The following FAT2 variants were observed in gnomAD, a reference collection of about 807,000 sequenced individuals.
FAT2 encodes the protein protocadherin Fat 2.
A neutral mutation model predicts 295.3 loss-of-function variants in FAT2; 150 were observed. That is an observed-to-expected ratio of 0.51 (90% CI 0.44 to 0.58). The LOEUF is 0.58. FAT2 is among the 20% of genes least tolerant of loss of function. The probability of loss-of-function intolerance (pLI) is 0.00; values close to 1 mark genes in which losing one functional copy is unlikely to be tolerated. For missense variants in FAT2, 4,868 were observed against 5,442.7 expected, an observed-to-expected ratio of 0.89 and a Z score of 3.32; for synonymous variants, 2,026 against 2,150.3, an observed-to-expected ratio of 0.94 and a Z score of 1.60.
intron 2 of FAT2, 88 bp downstream of exon 2, chr5:151,565,585 T>C (rs1021575353): frequency 6.6e-6 from 9 of 1,363,602 alleles, no homozygotes; most frequent in East Asian, 2.4e-5. Context: ...GGCTGACTCC[T>C]TTTTCCTTCA....
chr5:151,545,905 T>C lies in FAT2; in HGVS notation c.5222A>G (p.Asp1741Gly), dbSNP rs770846001. The C allele has an allele frequency of 6.8e-6, 11 of 1,614,042 alleles. No homozygotes were observed. Among genetic ancestry groups the C allele is most frequent in the Non-Finnish European group, 7.6e-6 (9 of 1,180,040 alleles). ...RGSNMAGAFT[D>G]VMVVVDIIDE... Reference sequence around the variant, plus strand: ...AATTATGTCAACCACCACCATGACATCAGTAAATGCACCTGCCATATTGCT... The same window carrying C: ...AATTATGTCAACCACCACCATGACACCAGTAAATGCACCTGCCATATTGCT... Residue 1741 changes from aspartate (D) to glycine (G), a missense_variant, in exon 10 of 24, where the codon GAT becomes GGT. Physicochemically the swap from Asp to Gly is moderately conservative, Grantham distance 94 (BLOSUM62 -1). This residue lies in a region of FAT2 where 3,297 missense variants were observed against 3,669.4 expected (regional missense o/e 0.90). Transcript: ENST00000261800.
In FAT2 at chr5:151,512,661, G is replaced by T; in HGVS notation, c.11464-55C>A. ...AAAGCCAAGGAGTCCTTGTAAACCT[G>T]CTAAGAGGCTGCCAGTTCAAAGAAT... On this transcript the variant is annotated intron_variant, in intron 20 of 23. Coordinates refer to ENST00000261800, the MANE Select transcript of FAT2 (RefSeq NM_001447.3). This position sits in a 1 kb window ranked among gnomAD's most constrained non-coding sequence, Gnocchi z 4.1. The T allele has an allele frequency of 6.9e-7, 1 of 1,442,112 alleles. No homozygotes were observed. Among genetic ancestry groups the T allele is most frequent in the Non-Finnish European group, 9.4e-7 (1 of 1,065,852 alleles). 89.3% of individuals were successfully genotyped at this position (1,442,112 alleles called of 1,614,324 possible).
In FAT2 at chr5:151,546,081, G is replaced by T; in HGVS notation, c.5046C>A (p.Val1682=). 1 of 1,614,180 alleles carries T rather than the reference G, an allele frequency of 6.2e-7. No homozygotes were observed. The highest frequency in any genetic ancestry group is 8.5e-7 in the Non-Finnish European group (1 of 1,180,030). ...TAACTTCAGAGGGGCTCATAGCAGAGACAAGGAGGATTGGGGAACCAACAG... is the reference window on the plus strand; with the variant it reads ...TAACTTCAGAGGGGCTCATAGCAGATACAAGGAGGATTGGGGAACCAACAG... ...SIPVGSPILL[V]SAMSPSEVTY... The change falls in exon 10 of 24, where the codon GTC becomes GTA. Residue 1682 remains valine (V), a synonymous_variant. Coordinates refer to ENST00000261800, the MANE Select transcript of FAT2 (RefSeq NM_001447.3).
Position 151,580,625 on chromosome 5 carries a change from C to T in FAT2, c.-21+10540G>A, listed in dbSNP as rs888334777. Among the ~76,000 whole-genome samples, 6 of 152,166 alleles carry T rather than the reference C, an allele frequency of 3.9e-5. No individual in the cohort carries two copies. In the East Asian group the frequency reaches 5.8e-4, roughly 15 times the overall value. ...CACACACACACACGGGTCTTTGTGA[C>T]GTTCCTTCTCTCTTTGCAGTGATTT... On this transcript the variant is annotated intron_variant, in intron 1 of 23. Coordinates refer to ENST00000261800, the MANE Select transcript of FAT2 (RefSeq NM_001447.3).
At chr5:151,562,523 T>A (rs537877929) in intron 3 of FAT2, among the ~76,000 whole-genome samples, 1 of 152,244 alleles carries the variant, frequency 6.6e-6, no homozygotes, top group African/African-American at 2.4e-5. Flanking sequence ...TGGCAGGACC[T>A]GCAGGGATCA....
In FAT2 at chr5:151,545,352, T is replaced by C; in HGVS notation, c.5775A>G (p.Ile1925Met). ...CCAGGAAAGCAGGATTCAGCACAGA[T>C]ATGCTACCAGTGACAGGATGGATGG... ...AVTIHPVTGSISVLNPAFLGL... is the reference protein window; with the variant it reads ...AVTIHPVTGSMSVLNPAFLGL... Residue 1925 changes from isoleucine to methionine, a missense_variant, in exon 10 of 24, where the codon ATA becomes ATG. This residue lies in a region of FAT2 where 3,297 missense variants were observed against 3,669.4 expected (regional missense o/e 0.90). Transcript: ENST00000261800. The C allele has an allele frequency of 5.0e-6, 8 of 1,614,146 alleles. No individual in the cohort carries two copies. The highest frequency in any genetic ancestry group is 6.8e-6 in the Non-Finnish European group (8 of 1,180,008).
At position 151,544,975 on chromosome 5, in the gene FAT2, ACC is replaced by A. The variant is rs1289120192; in HGVS notation, c.6150_6151del (p.Val2051GlyfsTer10). 1.7e-5 allele frequency: 28 copies of A among 1,613,986 alleles called. No individual in the cohort carries two copies. Among genetic ancestry groups the A allele is most frequent in the Non-Finnish European group, 2.3e-5 (27 of 1,180,030 alleles). On this transcript the variant is annotated frameshift_variant, in exon 10 of 24. Coordinates refer to ENST00000261800, the MANE Select transcript of FAT2 (RefSeq NM_001447.3). LOFTEE classifies it high-confidence loss of function. ...AGAGACTCTGACCAAACCCTGAGCC[ACC>A]CGCTGAGGTGTCCGATTGTCCCTCA...
chr5:151,546,926 A>T (rs1220299326), intron 9 of FAT2, among the ~76,000 whole-genome samples: 3 of 152,082 alleles, frequency 2.0e-5, no homozygotes, highest in Non-Finnish European at 4.4e-5. Context: ...GAACACCCAT[A>T]TCTCAAGGCT....
Position 151,557,077 on chromosome 5 carries a change from C to T in FAT2, c.3575-675G>A, listed in dbSNP as rs57299647. Among the ~76,000 whole-genome samples, 169 of 152,242 alleles carry T rather than the reference C, an allele frequency of 1.1e-3. 1 individual carries two copies. The highest frequency in any genetic ancestry group is 3.9e-3 in the African/African-American group (162 of 41,512). On this transcript the variant is annotated intron_variant, in intron 3 of 23. Transcript: ENST00000261800. ...CAATCGGCCCACCACGAGCAGCCTC[C>T]CGTCAGGATGGTTGCCAGCTGGAAG...
Position 151,544,747 on chromosome 5 carries a change from A to G in FAT2, c.6380T>C (p.Leu2127Pro). ...RIDPYLGDIS[L>P]KKPFDYQALN... ...AGCTTGATAATCAAAGGGTTTCTTGAGTGATATGTCCCCAAGATAGGGGTC... is the reference window on the plus strand; with the variant it reads ...AGCTTGATAATCAAAGGGTTTCTTGGGTGATATGTCCCCAAGATAGGGGTC... Residue 2127 changes from leucine to proline, a missense_variant, in exon 10 of 24, where the codon CTC becomes CCC. This residue lies in a region of FAT2 where 3,297 missense variants were observed against 3,669.4 expected (regional missense o/e 0.90). Transcript: ENST00000261800. 6.2e-7 allele frequency: 1 copy of G among 1,614,164 alleles called. No individual in the cohort carries two copies. The highest frequency in any genetic ancestry group is 1.6e-4 in the Middle Eastern group (1 of 6,062).
intron 19 of FAT2, 152 bp from the exon 20 acceptor site, chr5:151,517,917 T>C (rs1753028246): frequency 1.1e-6 from 1 of 928,648 alleles, no homozygotes. Flanking sequence ...GGGTGTGCCA[T>C]ACCTTTCTAG....
At chr5:151,537,606 G>A (rs750070259) in intron 12 of FAT2, among the ~76,000 whole-genome samples, 187 bp downstream of exon 12, 8 of 152,090 alleles carry the variant, frequency 5.3e-5, no homozygotes, top group Non-Finnish European at 1.0e-4. Context: ...GATTATAAAG[G>A]CCCAAATCTT....
chr5:151,551,447 C>G lies in FAT2; in HGVS notation c.4296+20G>C. Reference sequence around the variant, plus strand: ...TTCCATCTCCTCTCAATACAGGGGTCCCCAGCCGAGGCCTCTAACCTGTGT... The same window carrying G: ...TTCCATCTCCTCTCAATACAGGGGTGCCCAGCCGAGGCCTCTAACCTGTGT... On this transcript the variant is annotated intron_variant, in intron 7 of 23. Transcript: ENST00000261800. 6.2e-6 allele frequency: 10 copies of G among 1,612,586 alleles called. No homozygotes were observed. Among genetic ancestry groups the G allele is most frequent in the Non-Finnish European group, 8.5e-6 (10 of 1,179,506 alleles).
At chr5:151,529,991 G>A (rs1229453427) in intron 14 of FAT2, among the ~76,000 whole-genome samples, 1 of 152,120 alleles carries the variant, frequency 6.6e-6, no homozygotes, top group African/African-American at 2.4e-5. Context: ...TCTTTCAACA[G>A]CATCACATGC....
chr5:151,545,300 C>G lies in FAT2; in HGVS notation c.5827G>C (p.Ala1943Pro), dbSNP rs2127611829. 1 of 1,614,068 alleles carries G rather than the reference C, an allele frequency of 6.2e-7. No homozygotes were observed. The highest frequency in any genetic ancestry group is 8.5e-7 in the Non-Finnish European group (1 of 1,179,990). Residue 1943 changes from alanine (A) to proline (P), a missense_variant, in exon 10 of 24, where the codon GCT (alanine) becomes CCT (proline). Transcript: ENST00000261800. Reference sequence around the variant, plus strand: ...GTGTCTTGATACAAGCCATCAGAAGCCCTGATGGTGAGCTTCCGAGAGAGT... The same window carrying G: ...GTGTCTTGATACAAGCCATCAGAAGGCCTGATGGTGAGCTTCCGAGAGAGT... ...LGLSRKLTIR[A>P]SDGLYQDTAL...
intron 22 of FAT2, among the ~76,000 whole-genome samples, chr5:151,508,424 A>G (rs115990768): frequency 0.012 from 1,874 of 152,302 alleles, 40 homozygotes; most frequent in African/African-American, 0.043. Flanking sequence ...AAAGGACTGA[A>G]GTCGACTGGG....
rs2127562863 is a variant in FAT2, at chr5:151,506,015, C to G, written c.12600G>C (p.Gln4200His). 6.3e-7 allele frequency: 1 copy of G among 1,575,476 alleles called. No individual in the cohort carries two copies. The highest frequency in any genetic ancestry group is 8.6e-7 in the Non-Finnish European group (1 of 1,164,462). ...GGTGAGCCGAGGGCGGCAGAGGGCC[C>G]TGAGTCACTTCGGAGTGGGGGTATT... ...RWEYPHSEVT[Q>H]GPLPPSAHRH... Residue 4200 changes from glutamine (Q) to histidine (H), a missense_variant, in exon 24 of 24, where the codon CAG becomes CAC. Transcript: ENST00000261800.
rs1261781122 is a variant in FAT2 at position 151,566,055 on chromosome 5, T to G, written c.2877A>C (p.Glu959Asp). Residue 959 changes from glutamate to aspartate, a missense_variant, in exon 2 of 24, where the codon GAA becomes GAC. Transcript: ENST00000261800. ...CGCCATCCATCAGAACATATCGCACTTCACCTGCGGGGCCCAGGTCAGGAT... is the reference window on the plus strand; with the variant it reads ...CGCCATCCATCAGAACATATCGCACGTCACCTGCGGGGCCCAGGTCAGGAT... ...ASDPDLGPAG[E>D]VRYVLMDGAH... The G allele has an allele frequency of 6.2e-7, 1 of 1,613,970 alleles. No individual in the cohort carries two copies. The highest frequency in any genetic ancestry group is 8.5e-7 in the Non-Finnish European group (1 of 1,180,024).
chr5:151,592,593 T>C (rs11953148), upstream of FAT2, among the ~76,000 whole-genome samples: 39,292 of 152,184 alleles, frequency 0.26, 5,483 homozygotes, highest in African/African-American at 0.36. Flanking sequence ...CTCTTCCACC[T>C]GGTTAATAAA....
Sources: gnomAD v4.1 joint callset for allele counts (sites outside exome capture counted in the v4.1 genomes callset) on GRCh38, gnomAD v4.1.1 for gene constraint, gnomAD v4.1.1 regional missense constraint, Gnocchi (gnomAD v3.1) non-coding constraint, MANE v1.5 for transcripts, NCBI Gene and HGNC (gene_info 2026-07-23, HGNC 2026-07-21) for gene names.